Variants in SAA4 observed in about 807,000 individuals in gnomAD.
The protein encoded by SAA4 is serum amyloid A-4 protein.
In SAA4, 8 loss-of-function variants were observed where a neutral mutation model predicts 11.2. That is an observed-to-expected ratio of 0.71 (90% CI 0.42 to 1.29). The LOEUF is 1.29. Ranked by LOEUF, SAA4 falls within the 50% of genes most tolerant of loss-of-function variation. The pLI, the probability that SAA4 is intolerant of heterozygous loss-of-function variation, is 0.01. For missense variants in SAA4, 171 were observed against 164.2 expected (o/e 1.04, Z -0.23); for synonymous variants, 60 against 56.2 (o/e 1.07, Z -0.30).
Position 18,231,538 on chromosome 11 carries a change from G to T in SAA4, c.357C>A (p.Asp119Glu). 2 of 1,613,986 alleles carry T rather than the reference G, an allele frequency of 1.2e-6. No homozygotes were observed. Among genetic ancestry groups the T allele is most frequent in the Non-Finnish European group, 1.7e-6 (2 of 1,180,044 alleles). ...TAGGCAGGCCGTCAGGTCTGAAGCGGTCGGGGTCTTTGCCACTCCGGCCCC... is the reference window on the plus strand; with the variant it reads ...TAGGCAGGCCGTCAGGTCTGAAGCGTTCGGGGTCTTTGCCACTCCGGCCCC... ...EEWGRSGKDP[D>E]RFRPDGLPKK... The change falls in exon 4 of 4, where the codon GAC becomes GAA. Residue 119 changes from aspartate (D) to glutamate (E), a missense_variant. Physicochemically the swap from Asp to Glu is conservative, Grantham distance 45 (BLOSUM62 2). Coordinates refer to ENST00000278222, the MANE Select transcript of SAA4 (RefSeq NM_006512.4).
chr11:18,236,019 T>C, intron 1 of SAA4, 89 bp from the exon 2 acceptor site: 2 of 1,305,108 alleles, frequency 1.5e-6, no homozygotes, highest in East Asian at 2.5e-5. Context: ...TTTTTTTCTT[T>C]CTTTTTTTCC....
At chr11:18,235,397 T>TCTGCATC (rs1857194722) in intron 2 of SAA4, among the ~76,000 whole-genome samples, 1 of 152,166 alleles carries the variant, frequency 6.6e-6, no homozygotes, top group Non-Finnish European at 1.5e-5. Flanking sequence ...TTTCATAAGC[T>TCTGCATC]CTGCATCCCA....
chr11:18,234,976 C>T (rs894794093), intron 2 of SAA4, among the ~76,000 whole-genome samples: 16 of 152,178 alleles, frequency 1.1e-4, no homozygotes, highest in East Asian at 3.9e-4. Flanking sequence ...AAACAAACAC[C>T]GGCCGATTTA....
chr11:18,233,702 A>G (rs1273595519), intron 2 of SAA4, among the ~76,000 whole-genome samples: 1 of 146,294 alleles, frequency 6.8e-6, no homozygotes, highest in South Asian at 2.2e-4. Flanking sequence ...TTTGGTAGAG[A>G]TGGGGTCTCA....
chr11:18,232,130 A>G (rs1328951978), intron 3 of SAA4, among the ~76,000 whole-genome samples: 1 of 151,940 alleles, frequency 6.6e-6, no homozygotes, highest in Non-Finnish European at 1.5e-5. Flanking sequence ...AGATCCTCCC[A>G]CCTTGTCCTC....
chr11:18,236,172 C>T (rs1159769600), intron 1 of SAA4, among the ~76,000 whole-genome samples: 1 of 151,390 alleles, frequency 6.6e-6, no homozygotes, highest in Non-Finnish European at 1.5e-5. Flanking sequence ...CCTCCCACCT[C>T]AGCCTCCTGA....
intron 3 of SAA4, 135 bp downstream of exon 3, chr11:18,232,260 G>T: frequency 7.4e-7 from 1 of 1,345,278 alleles, no homozygotes; most frequent in Non-Finnish European, 1.0e-6. Context: ...GTCTTCACCA[G>T]CCTTGCTCTG....
intron 2 of SAA4, among the ~76,000 whole-genome samples, chr11:18,235,563 C>T (rs889136724): frequency 6.6e-6 from 1 of 152,126 alleles, no homozygotes; most frequent in Non-Finnish European, 1.5e-5. Context: ...TGTAAATTTC[C>T]GCAGTGGGAG....
At chr11:18,236,222 A>ATTTTTTTTTTTT (rs36090595) in intron 1 of SAA4, among the ~76,000 whole-genome samples, 1 of 129,574 alleles carries the variant, frequency 7.7e-6, no homozygotes, top group Non-Finnish European at 1.6e-5. Context: ...CACTCAGCTA[A>ATTTTTTTTTTTT]TTTTTTTTTT....
chr11:18,235,333 G>C (rs1404833420), intron 2 of SAA4, among the ~76,000 whole-genome samples: 1 of 142,996 alleles, frequency 7.0e-6, no homozygotes, highest in African/African-American at 2.6e-5. Context: ...CCCTCCTGTG[G>C]CTAATCAGTA....
intron 2 of SAA4, among the ~76,000 whole-genome samples, chr11:18,234,214 A>C (rs113008053): frequency 0.019 from 2,918 of 152,310 alleles, 99 homozygotes; most frequent in African/African-American, 0.067. Flanking sequence ...CTTTTATTCA[A>C]AGATCAAACA....
chr11:18,232,966 T>C (rs950140908), intron 2 of SAA4, among the ~76,000 whole-genome samples: 9 of 152,242 alleles, frequency 5.9e-5, no homozygotes, highest in Non-Finnish European at 1.3e-4. Context: ...ACTACAGATG[T>C]AAGATCCAGG....
chr11:18,232,796 A>G (rs943662882), intron 2 of SAA4, among the ~76,000 whole-genome samples: 1 of 152,172 alleles, frequency 6.6e-6, no homozygotes, highest in African/African-American at 2.4e-5. Context: ...TGTGCTGTGT[A>G]CAAAGAGGGG....
chr11:18,231,655 C>T lies in SAA4; in HGVS notation c.240G>A (p.Arg80=). 1 of 1,611,614 alleles carries T rather than the reference C, an allele frequency of 6.2e-7. No homozygotes were observed. The highest frequency in any genetic ancestry group is 1.3e-5 in the African/African-American group (1 of 74,842). Residue 80 remains arginine, a synonymous_variant, in exon 4 of 4, where the codon AGG becomes AGA. Transcript: ENST00000278222. ...VWAAKLISRS[R]VYLQGLIDCY... is the part of the protein sequence containing the mutation. The stretch of plus-strand genomic sequence containing the variant: ...AGTCTATTAATCCCTGAAGATAGAC[C>T]CTGGAACGGCTGCAACCCAAAGAAA...
Position 18,231,524 on chromosome 11 carries a change from T to C in SAA4, c.371A>G (p.Asp124Gly). ...AGCTCAGTATTTCTTAGGCAGGCCG[T>C]CAGGTCTGAAGCGGTCGGGGTCTTT... ...SGKDPDRFRP[D>G]GLPKKY Residue 124 changes from aspartate to glycine, a missense_variant, in exon 4 of 4, where the codon GAC (aspartate) becomes GGC (glycine). Asp to Gly is a moderately conservative substitution (Grantham distance 94). Coordinates refer to ENST00000278222, the MANE Select transcript of SAA4 (RefSeq NM_006512.4). The C allele has an allele frequency of 6.2e-7, 1 of 1,612,906 alleles. No individual in the cohort carries two copies. The highest frequency in any genetic ancestry group is 8.5e-7 in the Non-Finnish European group (1 of 1,179,798).
Position 18,234,151 on chromosome 11 carries a change from C to T in SAA4, c.92-1618G>A, listed in dbSNP as rs144805387. Among the ~76,000 whole-genome samples, 438 of 152,144 alleles carry T rather than the reference C, an allele frequency of 2.9e-3. 2 individuals carry two copies. Among genetic ancestry groups the T allele is most frequent in the African/African-American group, 9.9e-3 (410 of 41,494 alleles). ...AATGCTGTCATGTATATTAGTATGT[C>T]GTAATGTTGAGTGAAACAAAGCCGG... On this transcript the variant is annotated intron_variant, in intron 2 of 3. Transcript: ENST00000278222.
rs1477076367 is a variant in SAA4 at position 18,231,387 on chromosome 11, A to G, written c.*115T>C. On this transcript the variant is annotated 3_prime_UTR_variant, in exon 4 of 4. Transcript: ENST00000278222. Reference sequence around the variant, plus strand: ...TGACAAACATTTATTGAACACCTCTAGGTGCCCTATACCAGTTCCTGGGGA... The same window carrying G: ...TGACAAACATTTATTGAACACCTCTGGGTGCCCTATACCAGTTCCTGGGGA... 3 of 1,457,600 alleles carry G rather than the reference A, an allele frequency of 2.1e-6. No homozygotes were observed. In the African/African-American group the frequency reaches 4.3e-5, roughly 21 times the overall value. 90.3% of individuals were successfully genotyped at this position (1,457,600 alleles called of 1,614,324 possible). A position where few individuals can be genotyped will look rare whatever the true frequency, so the allele number is the denominator to read the frequency against.
rs982977435 is a variant in SAA4, at chr11:18,236,008, CT to C, written c.-4-79del. ...ATGTTTTGAGGACTGAATTTCTTTCCTTTTTTTCTTTCTTTTTTTCCTTTTC... is the reference window on the plus strand; with the variant it reads ...ATGTTTTGAGGACTGAATTTCTTTCCTTTTTTCTTTCTTTTTTTCCTTTTC... On this transcript the variant is annotated intron_variant, in intron 1 of 3. Transcript: ENST00000278222. 1.1e-5 allele frequency: 14 copies of C among 1,332,846 alleles called. No homozygotes were observed. The South Asian group carries it at 1.7e-4, about 16-fold the overall frequency. The allele number at this position is 1,332,846 out of a possible 1,614,324, so 82.6% of individuals were successfully genotyped here.
intron 2 of SAA4, among the ~76,000 whole-genome samples, 180 bp downstream of exon 2, chr11:18,235,656 G>A (rs1403994057): frequency 6.6e-6 from 1 of 152,110 alleles, no homozygotes; most frequent in Non-Finnish European, 1.5e-5. Flanking sequence ...CCTCTCGTCT[G>A]GAAACCCCAA....
Sources: allele counts gnomAD v4.1 joint callset (sites outside exome capture counted in the v4.1 genomes callset), GRCh38; gene constraint gnomAD v4.1.1; transcripts MANE v1.5; gene names NCBI Gene and HGNC (gene_info 2026-07-23, HGNC 2026-07-21).